The following VPS13B variants were observed in gnomAD, a reference collection of about 807,000 sequenced individuals.
VPS13B encodes vacuolar protein sorting 13 homolog B, also known as intermembrane lipid transfer protein VPS13B.
Under a neutral mutation model 426.4 loss-of-function variants are expected in VPS13B, and 285 were observed. The ratio of observed to expected loss-of-function variants is 0.67; its 90% CI spans 0.61 to 0.74. VPS13B has a LOEUF of 0.74. VPS13B is among the 30% of genes least tolerant of loss of function. VPS13B has a pLI of 0.00. For missense variants in VPS13B, 4,537 were observed against 4,782.6 expected, an observed-to-expected ratio of 0.95 and a Z score of 1.51; for synonymous variants, 1,676 against 1,676.4, an observed-to-expected ratio of 1.00 and a Z score of 0.01.
At chr8:99,200,369 A>G (rs1023548493) in intron 17 of VPS13B, among the ~76,000 whole-genome samples, 4 of 152,066 alleles carry the variant, frequency 2.6e-5, no homozygotes, top group Non-Finnish European at 5.9e-5. Flanking sequence ...ATATTCAAGT[A>G]CAGGTTTTTT....
chr8:99,838,541 C>T (rs1815512119), intron 54 of VPS13B, among the ~76,000 whole-genome samples: 1 of 152,194 alleles, frequency 6.6e-6, no homozygotes, highest in Non-Finnish European at 1.5e-5. Flanking sequence ...TTCATTCAGT[C>T]AACAAATACT....
intron 35 of VPS13B, 107 bp downstream of exon 35, chr8:99,661,598 G>C (rs1183289190): frequency 1.5e-6 from 2 of 1,373,324 alleles, no homozygotes; most frequent in African/African-American, 2.9e-5. Flanking sequence ...AAAATGAATA[G>C]TTCATTTTTT....
chr8:99,568,068 C>T lies in VPS13B; in HGVS notation c.4950-7590C>T, dbSNP rs558435948. On this transcript the variant is annotated intron_variant, in intron 31 of 61. Coordinates refer to ENST00000357162, the MANE Select transcript of VPS13B (RefSeq NM_152564.5). ...GTGTTTTAGGAAGAGCAAAGACACT[C>T]GAGTAGGAACAAGTTGAGCACGTTT... is the stretch of plus-strand genomic sequence containing the variant. Among the ~76,000 whole-genome samples, 3 of 152,030 alleles carry T rather than the reference C, an allele frequency of 2.0e-5. No individual in the cohort carries two copies. The South Asian group carries it at 6.2e-4, about 32-fold the overall frequency.
intron 17 of VPS13B, among the ~76,000 whole-genome samples, chr8:99,235,120 A>G (rs1473082231): frequency 3.3e-5 from 5 of 152,156 alleles, no homozygotes; most frequent in Admixed American, 1.3e-4. Context: ...AAGAAAATAT[A>G]ATTAGTTGCT....
At chr8:99,653,465 ATTTTTTT>A (rs34923754) in intron 34 of VPS13B, among the ~76,000 whole-genome samples, 1 of 136,866 alleles carries the variant, frequency 7.3e-6, no homozygotes, top group Non-Finnish European at 1.6e-5. Flanking sequence ...ATGTGACTTC[ATTTTTTT>A]TTTTTTTTTT....
At chr8:99,689,222 A>G (rs555846479) in intron 35 of VPS13B, among the ~76,000 whole-genome samples, 1 of 151,636 alleles carries the variant, frequency 6.6e-6, no homozygotes, top group Non-Finnish European at 1.5e-5. Context: ...TACTCATCAC[A>G]ACTGGGAACC....
chr8:99,480,542 C>G (rs1397471522), intron 24 of VPS13B, among the ~76,000 whole-genome samples: 1 of 152,020 alleles, frequency 6.6e-6, no homozygotes, highest in Non-Finnish European at 1.5e-5. Context: ...GAGAAACATT[C>G]ATAATTATGA....
At chr8:99,527,938 T>G (rs947328824) in intron 30 of VPS13B, 3 of 152,050 alleles carry the variant, frequency 2.0e-5, no homozygotes, top group African/African-American at 7.2e-5. Flanking sequence ...AAAAAAAAGT[T>G]AATAAACATA....
chr8:99,623,616 G>A (rs936784328), intron 33 of VPS13B, among the ~76,000 whole-genome samples: 8 of 152,114 alleles, frequency 5.3e-5, no homozygotes, highest in African/African-American at 1.9e-4. Context: ...TTTTATTGAG[G>A]AGGTAATATT....
chr8:99,044,022 C>T (rs1484138899), intron 3 of VPS13B, among the ~76,000 whole-genome samples: 1 of 150,898 alleles, frequency 6.6e-6, no homozygotes, highest in Non-Finnish European at 1.5e-5. Context: ...AACCATGTTT[C>T]CCTCTCTAGC....
intron 48 of VPS13B, 126 bp from the exon 49 acceptor site, chr8:99,819,795 T>C (rs897815736): frequency 9.8e-6 from 13 of 1,327,390 alleles, no homozygotes; most frequent in South Asian, 1.3e-5. Flanking sequence ...AAATTTAGCA[T>C]TGAAAGATTC....
chr8:99,174,573 T>C (rs958560763), intron 16 of VPS13B, among the ~76,000 whole-genome samples: 1 of 152,226 alleles, frequency 6.6e-6, no homozygotes, highest in Non-Finnish European at 1.5e-5. Flanking sequence ...TGACCATCTT[T>C]TCATGTCCTA....
chr8:99,854,131 A>G lies in VPS13B; in HGVS notation c.10742A>G (p.Tyr3581Cys). 1 of 1,613,692 alleles carries G rather than the reference A, an allele frequency of 6.2e-7. No individual in the cohort carries two copies. The highest frequency in any genetic ancestry group is 8.5e-7 in the Non-Finnish European group (1 of 1,179,938). Reference protein sequence around the residue: ...LVSIHASLKLYIASDHTPLSF... With the variant: ...LVSIHASLKLCIASDHTPLSF... ...AGCATCCACGCTTCCCTCAAGCTGT[A>G]CATAGCCTCAGACCACACTCCTCTC... Residue 3581 changes from tyrosine to cysteine, a missense_variant, in exon 56 of 62, where the codon TAC becomes TGC. Tyr to Cys is a radical substitution (Grantham distance 194, BLOSUM62 -2). This residue lies in a region of VPS13B where 4,311 missense variants were observed against 4,474.3 expected (regional missense o/e 0.96). Coordinates refer to ENST00000357162, the MANE Select transcript of VPS13B (RefSeq NM_152564.5).
chr8:99,587,519 C>T (rs565114150), intron 33 of VPS13B, among the ~76,000 whole-genome samples: 1 of 151,844 alleles, frequency 6.6e-6, no homozygotes, highest in African/African-American at 2.4e-5. Flanking sequence ...TCCATTCCAA[C>T]TGGCATGAGA....
chr8:99,471,959 T>TA (rs1329379122), intron 24 of VPS13B, among the ~76,000 whole-genome samples: 1 of 152,158 alleles, frequency 6.6e-6, no homozygotes, highest in Non-Finnish European at 1.5e-5. Flanking sequence ...GATTGTATTT[T>TA]ACTTAAATAT....
At position 99,411,702 on chromosome 8, in the gene VPS13B, A is replaced by T. The variant is rs1413847942; in HGVS notation, c.3083-19835A>T. ...AGGGTTTTTATGGTTTTCGTCTTAC[A>T]TTTAAGGTTTTAATCCATCTTGAGT... On this transcript the variant is annotated intron_variant, in intron 21 of 61. Coordinates refer to ENST00000357162, the MANE Select transcript of VPS13B (RefSeq NM_152564.5). Among the ~76,000 whole-genome samples, 3 of 152,118 alleles carry T rather than the reference A, an allele frequency of 2.0e-5. No individual in the cohort carries two copies. In the East Asian group the frequency reaches 5.8e-4, roughly 29 times the overall value.
At chr8:99,697,008 G>T in intron 35 of VPS13B, 1 of 592,036 alleles carries the variant, frequency 1.7e-6, no homozygotes, top group South Asian at 1.8e-5. Context: ...AGGTATGTGG[G>T]CCCTCCGCCT....
intron 39 of VPS13B, among the ~76,000 whole-genome samples, chr8:99,742,255 C>A (rs1809776809): frequency 6.6e-6 from 1 of 152,182 alleles, no homozygotes; most frequent in Non-Finnish European, 1.5e-5. Context: ...GACACATACA[C>A]CCTCCCAAGA....
At position 99,832,617 on chromosome 8, in the gene VPS13B, C is replaced by T. The variant is rs2130858423; in HGVS notation, c.9579C>T (p.Pro3193=). The T allele has an allele frequency of 6.2e-7, 1 of 1,613,706 alleles. No individual in the cohort carries two copies. The highest frequency in any genetic ancestry group is 2.2e-5 in the East Asian group (1 of 44,870). Residue 3193 remains proline (P), a synonymous_variant, in exon 52 of 62, where the codon CCC becomes CCT. Transcript: ENST00000357162. The stretch of plus-strand genomic sequence containing the variant: ...TTCCCAGACAGAGTGTGGCAGTACC[C>T]CTCGGGAATTTCCGGGAAAATGGAT... ...PEFPRQSVAV[P]LGNFRENGFC...
Sources: allele counts gnomAD v4.1 joint callset (sites outside exome capture counted in the v4.1 genomes callset), GRCh38; gene constraint gnomAD v4.1.1; regional missense constraint gnomAD v4.1.1; transcripts MANE v1.5; gene names NCBI Gene and HGNC (gene_info 2026-07-23, HGNC 2026-07-21).